Variants in MYO1D observed in about 807,000 individuals in gnomAD.
MYO1D encodes the protein unconventional myosin-Id.
MYO1D carries 83 observed loss-of-function variants against 122.0 expected under a neutral mutation model. That is an observed-to-expected ratio of 0.68 (90% CI 0.57 to 0.82). The LOEUF (loss-of-function observed/expected upper bound fraction) is 0.82, where lower values mean the gene tolerates loss of function less well. MYO1D is among the 40% of genes least tolerant of loss of function. The pLI is 0.00. For missense variants in MYO1D, 1,157 were observed against 1,269.5 expected, an observed-to-expected ratio of 0.91 and a Z score of 1.35; for synonymous variants, 464 against 446.9, an observed-to-expected ratio of 1.04 and a Z score of -0.48.
intron 21 of MYO1D, among the ~76,000 whole-genome samples, chr17:32,598,360 C>T (rs1033116938): frequency 6.6e-6 from 1 of 152,020 alleles, no homozygotes; most frequent in African/African-American, 2.4e-5. Context: ...GGTGACACAG[C>T]AAGACTCTGT....
At chr17:32,638,379 C>T (rs1396489831) in intron 20 of MYO1D, among the ~76,000 whole-genome samples, 1 of 151,872 alleles carries the variant, frequency 6.6e-6, no homozygotes, top group Admixed American at 6.6e-5. Context: ...TTAAGTAATC[C>T]CCTACCGATT....
chr17:32,625,584 C>G (rs1393514389), intron 20 of MYO1D, among the ~76,000 whole-genome samples: 1 of 151,548 alleles, frequency 6.6e-6, no homozygotes, highest in African/African-American at 2.4e-5. Context: ...GGGTCTCGCT[C>G]TATTGCCCAG....
chr17:32,625,345 C>T (rs1040219195), intron 20 of MYO1D, among the ~76,000 whole-genome samples: 15 of 152,246 alleles, frequency 9.9e-5, no homozygotes, highest in African/African-American at 3.1e-4. Context: ...AATTTTGTGG[C>T]TACCTCTGGC....
At chr17:32,708,537 T>C (rs1056653381) in intron 16 of MYO1D, among the ~76,000 whole-genome samples, 1 of 152,198 alleles carries the variant, frequency 6.6e-6, no homozygotes. Flanking sequence ...CCCATTAAAT[T>C]TCTATAAGGA....
chr17:32,703,071 A>C (rs2089267567), intron 16 of MYO1D, among the ~76,000 whole-genome samples: 1 of 152,252 alleles, frequency 6.6e-6, no homozygotes. Context: ...TTATATGTTT[A>C]GTAGCCTTCA....
chr17:32,805,607 A>C (rs530478737), intron 1 of MYO1D, among the ~76,000 whole-genome samples: 5 of 152,306 alleles, frequency 3.3e-5, no homozygotes, highest in Admixed American at 2.6e-4. Flanking sequence ...AAGCAATCAA[A>C]CCATCAAAAT....
At chr17:32,593,437 T>C (rs1412206999) in intron 21 of MYO1D, among the ~76,000 whole-genome samples, 3 of 152,164 alleles carry the variant, frequency 2.0e-5, no homozygotes, top group Non-Finnish European at 4.4e-5. Context: ...GGGCATACAA[T>C]TGTTGCTCTC....
rs200717040 is a variant in MYO1D, at chr17:32,864,548, G to GAAAAAA, written c.95+12224_95+12229dup. On this transcript the variant is annotated intron_variant, in intron 1 of 21. Transcript: ENST00000318217. Reference sequence around the variant, plus strand: ...CTTCACATGTCTGAGTTCTACGAATGAAAAAAAAAAAAAAAAAAAAAAAGG... The same window carrying GAAAAAA: ...CTTCACATGTCTGAGTTCTACGAATGAAAAAAAAAAAAAAAAAAAAAAAAAAAAAGG... 2.4e-3 allele frequency among the ~76,000 whole-genome samples: 175 copies of GAAAAAA among 72,906 alleles called. 3 individuals are homozygous for GAAAAAA. Among genetic ancestry groups the GAAAAAA allele is most frequent in the African/African-American group, 4.4e-3 (86 of 19,740 alleles). The allele number at this position is 72,906 out of a possible 152,430, so 47.8% of individuals were successfully genotyped here. A position where few individuals can be genotyped will look rare whatever the true frequency, so the allele number is the denominator to read the frequency against.
intron 1 of MYO1D, among the ~76,000 whole-genome samples, chr17:32,831,575 G>A (rs750705649): frequency 6.6e-6 from 1 of 152,116 alleles, no homozygotes; most frequent in Non-Finnish European, 1.5e-5. Context: ...TGATGGCTTA[G>A]GATCACTTAC....
chr17:32,584,079 C>G (rs1282692780), intron 21 of MYO1D, among the ~76,000 whole-genome samples: 1 of 152,128 alleles, frequency 6.6e-6, no homozygotes, highest in Non-Finnish European at 1.5e-5. Context: ...GCTGGGATTA[C>G]AGGGGTGAGC....
At chr17:32,525,455 T>G (rs1482549538) in intron 21 of MYO1D, among the ~76,000 whole-genome samples, 1 of 152,154 alleles carries the variant, frequency 6.6e-6, no homozygotes, top group Non-Finnish European at 1.5e-5. Flanking sequence ...TCCTTGGGTT[T>G]TTTTTTTTTC....
At position 32,496,200 on chromosome 17, in the gene MYO1D, A is replaced by G. The variant is rs549670155; in HGVS notation, c.2865-1285T>C. On this transcript the variant is annotated intron_variant, in intron 21 of 21. Coordinates refer to ENST00000318217, the MANE Select transcript of MYO1D (RefSeq NM_015194.3). ...GGCTCCACGGGGTCAGCGTGCCCAG[A>G]GTAATGGGTGTCACTAGAGCACCTG... 8.5e-5 allele frequency: 13 copies of G among 152,358 alleles called. No individual in the cohort carries two copies. In the East Asian group the frequency reaches 2.3e-3, roughly 27 times the overall value. 9.4% of individuals were successfully genotyped at this position (152,358 alleles called of 1,614,324 possible).
At chr17:32,611,825 C>T (rs1161562579) in intron 20 of MYO1D, among the ~76,000 whole-genome samples, 7 of 152,146 alleles carry the variant, frequency 4.6e-5, no homozygotes, top group African/African-American at 1.2e-4. Context: ...GGCACTGAAG[C>T]GAGACTCCGT....
intron 1 of MYO1D, among the ~76,000 whole-genome samples, chr17:32,835,022 C>CAA (rs2090808910): frequency 6.6e-6 from 1 of 152,040 alleles, no homozygotes; most frequent in East Asian, 1.9e-4. Context: ...AAAACAAAAA[C>CAA]AAACAAACAA....
intron 1 of MYO1D, among the ~76,000 whole-genome samples, chr17:32,800,022 CA>C (rs1274099585): frequency 2.0e-5 from 3 of 151,816 alleles, no homozygotes; most frequent in Non-Finnish European, 4.4e-5. Context: ...TGGCTATTAT[CA>C]AAAAAATGAG....
intron 21 of MYO1D, among the ~76,000 whole-genome samples, chr17:32,525,239 C>A (rs1393832909): frequency 6.6e-6 from 1 of 152,212 alleles, no homozygotes; most frequent in Non-Finnish European, 1.5e-5. Flanking sequence ...CAAGACAAAC[C>A]TCCCCTCTCT....
intron 20 of MYO1D, among the ~76,000 whole-genome samples, chr17:32,619,229 A>G (rs1368064395): frequency 2.6e-5 from 4 of 152,142 alleles, no homozygotes; most frequent in Admixed American, 2.6e-4. Flanking sequence ...CAGTTTTCAT[A>G]TATTGCAGTC....
At chr17:32,593,041 T>G (rs1420447335) in intron 21 of MYO1D, among the ~76,000 whole-genome samples, 2 of 152,234 alleles carry the variant, frequency 1.3e-5, no homozygotes, top group Non-Finnish European at 2.9e-5. Flanking sequence ...TCCATGTTCT[T>G]GGAAGACACC....
chr17:32,560,554 T>TATATATATATAC (rs2087112525), intron 21 of MYO1D, among the ~76,000 whole-genome samples: 2 of 123,988 alleles, frequency 1.6e-5, no homozygotes, highest in Non-Finnish European at 3.5e-5. Context: ...TATATATATA[T>TATATATATATAC]ATATATATAT....
Sources: gnomAD v4.1 joint callset for allele counts (sites outside exome capture counted in the v4.1 genomes callset) on GRCh38, gnomAD v4.1.1 for gene constraint, MANE v1.5 for transcripts, NCBI Gene and HGNC (gene_info 2026-07-23, HGNC 2026-07-21) for gene names.